The following TMEM178A variants were observed in gnomAD, a reference collection of about 807,000 sequenced individuals.
TMEM178A encodes transmembrane protein 178.
A neutral mutation model predicts 29.1 loss-of-function variants in TMEM178A; 12 were observed. The ratio of observed to expected loss-of-function variants is 0.41; its 90% CI spans 0.26 to 0.67. The LOEUF (loss-of-function observed/expected upper bound fraction) is 0.67, where lower values mean the gene tolerates loss of function less well. Among genes scored for constraint, TMEM178A ranks in the 30% least tolerant of loss-of-function variants. The probability of loss-of-function intolerance (pLI) is 0.29; values close to 1 mark genes in which losing one functional copy is unlikely to be tolerated. For missense variants in TMEM178A, 366 were observed against 419.1 expected (o/e 0.87, Z 1.11); for synonymous variants, 210 against 187.2 (o/e 1.12, Z -0.99).
chr2:39,707,018 T>C lies in TMEM178A; in HGVS notation c.515-31T>C, dbSNP rs185708783. 82 of 1,573,704 alleles carry C rather than the reference T, an allele frequency of 5.2e-5. No homozygotes were observed. The East Asian group carries it at 1.6e-3, about 31-fold the overall frequency. ...TCTTAATGACTTTCCTGAATTCTGA[T>C]TGTGAATGTCTGTGTCTGTTTTGAG... On this transcript the variant is annotated intron_variant, in intron 2 of 3. Transcript: ENST00000281961.
chr2:39,679,577 G>T (rs73927017), intron 1 of TMEM178A, among the ~76,000 whole-genome samples: 2,452 of 151,968 alleles, frequency 0.016, 66 homozygotes, highest in African/African-American at 0.056. Flanking sequence ...AGGTGTTTTT[G>T]TCTCTTTACT....
the TMEM178A span, among the ~76,000 whole-genome samples, chr2:39,726,080 G>GC: frequency 6.6e-6 from 1 of 151,986 alleles, no homozygotes; most frequent in East Asian, 1.9e-4. Flanking sequence ...AAGGAAAAAA[G>GC]TAAAAAATCT....
At chr2:39,705,650 G>A (rs1336311106) in intron 2 of TMEM178A, among the ~76,000 whole-genome samples, 2 of 152,160 alleles carry the variant, frequency 1.3e-5, no homozygotes, top group Non-Finnish European at 2.9e-5. Context: ...CTTTAAAAAA[G>A]GGATGGTCTC....
rs146271313 is a variant in TMEM178A at position 39,715,725 on chromosome 2, C to T, written c.653-1285C>T. Among the ~76,000 whole-genome samples the T allele has an allele frequency of 3.2e-3, 489 of 152,280 alleles. 4 individuals carry two copies. The highest frequency in any genetic ancestry group is 0.011 in the African/African-American group (462 of 41,560). On this transcript the variant is annotated intron_variant, in intron 3 of 3. Coordinates refer to ENST00000281961, the MANE Select transcript of TMEM178A (RefSeq NM_152390.3). ...TATTGTCTAAGTGCACATTTGGAAGCGGATTCAGGCAACGTGCTCTTACAT... is the reference window on the plus strand; with the variant it reads ...TATTGTCTAAGTGCACATTTGGAAGTGGATTCAGGCAACGTGCTCTTACAT...
chr2:39,724,613 G>A, the TMEM178A span, among the ~76,000 whole-genome samples: 642 of 152,202 alleles, frequency 4.2e-3, 5 homozygotes, highest in African/African-American at 0.014. Flanking sequence ...ACTTCATTTC[G>A]TATTTTCCCT....
Position 39,686,868 on chromosome 2 carries a change from C to T in TMEM178A, c.401-17213C>T, listed in dbSNP as rs184432586. On this transcript the variant is annotated intron_variant, in intron 1 of 3. Coordinates refer to ENST00000281961, the MANE Select transcript of TMEM178A (RefSeq NM_152390.3). The stretch of plus-strand genomic sequence containing the variant: ...TTTTTCCCTCCTGCCTGGTTGGCTA[C>T]GTCATCATGCTGCTTGACATAAAAT... Among the ~76,000 whole-genome samples, 428 of 152,022 alleles carry T rather than the reference C, an allele frequency of 2.8e-3. 3 individuals are homozygous for T. Among genetic ancestry groups the T allele is most frequent in the African/African-American group, 9.6e-3 (397 of 41,460 alleles).
intron 1 of TMEM178A, among the ~76,000 whole-genome samples, chr2:39,680,956 A>G (rs1327776376): frequency 6.6e-6 from 1 of 151,784 alleles, no homozygotes; most frequent in East Asian, 1.9e-4. Flanking sequence ...CTTTAATTTA[A>G]TTTGTATTAT....
chr2:39,711,083 C>T (rs942040086), intron 3 of TMEM178A, among the ~76,000 whole-genome samples: 4 of 152,180 alleles, frequency 2.6e-5, no homozygotes, highest in Non-Finnish European at 4.4e-5. Context: ...CATCTCCCAC[C>T]GGCCTTGAAT....
chr2:39,708,954 T>A (rs1224280121), intron 3 of TMEM178A, among the ~76,000 whole-genome samples: 1 of 152,252 alleles, frequency 6.6e-6, no homozygotes, highest in Non-Finnish European at 1.5e-5. Flanking sequence ...TTTCACACAG[T>A]ATACTCAGCA....
intron 1 of TMEM178A, among the ~76,000 whole-genome samples, chr2:39,682,195 G>A (rs1364383304): frequency 1.3e-5 from 2 of 152,100 alleles, no homozygotes; most frequent in Non-Finnish European, 2.9e-5. Flanking sequence ...TATCAAACTG[G>A]ATGAATATAT....
chr2:39,665,944 C>A lies in TMEM178A; in HGVS notation c.-31C>A, dbSNP rs1324142319. On this transcript the variant is annotated 5_prime_UTR_variant, in exon 1 of 4. Transcript: ENST00000281961. Reference sequence around the variant, plus strand: ...ATTGTGTCTGGCGGCGGCGCGCGAGCCCACCGGCGGCTGCGGCGGGGCGGG... The same window carrying A: ...ATTGTGTCTGGCGGCGGCGCGCGAGACCACCGGCGGCTGCGGCGGGGCGGG... 2.2e-6 allele frequency: 3 copies of A among 1,343,352 alleles called. No individual in the cohort carries two copies. The African/African-American group carries it at 4.6e-5, about 21-fold the overall frequency. The allele number at this position is 1,343,352 out of a possible 1,614,324, so 83.2% of individuals were successfully genotyped here. A position where few individuals can be genotyped will look rare whatever the true frequency, so the allele number is the denominator to read the frequency against.
At chr2:39,719,977 C>G (rs753609390), downstream of TMEM178A, among the ~76,000 whole-genome samples, 1 of 152,070 alleles carries the variant, frequency 6.6e-6, no homozygotes, top group Non-Finnish European at 1.5e-5. Flanking sequence ...GCAAAACAGA[C>G]AAAGGTTTTT....
chr2:39,671,303 G>A (rs961064411), intron 1 of TMEM178A, among the ~76,000 whole-genome samples: 1 of 152,154 alleles, frequency 6.6e-6, no homozygotes, highest in Non-Finnish European at 1.5e-5. Flanking sequence ...GACCCACCAA[G>A]TTCTACCTGA....
At chr2:39,730,259 G>C in the TMEM178A span, among the ~76,000 whole-genome samples, 1 of 152,132 alleles carries the variant, frequency 6.6e-6, no homozygotes, top group Non-Finnish European at 1.5e-5. Flanking sequence ...AATGACCCTG[G>C]GTGCTCAGAG....
rs1672619168 is a variant in TMEM178A, at chr2:39,717,959, G to T, written c.*708G>T. 1 of 152,454 alleles carries T rather than the reference G, an allele frequency of 6.6e-6. No homozygotes were observed. The highest frequency in any genetic ancestry group is 2.4e-5 in the African/African-American group (1 of 41,380). 9.4% of individuals were successfully genotyped at this position (152,454 alleles called of 1,614,324 possible). On this transcript the variant is annotated 3_prime_UTR_variant, in exon 4 of 4. Coordinates refer to ENST00000281961, the MANE Select transcript of TMEM178A (RefSeq NM_152390.3). ...TTCTGCATTAAATGACTGCCCCCTT[G>T]TTAATCTGGGTGTGTTTTCCTATGT... is the stretch of plus-strand genomic sequence containing the variant.
At chr2:39,695,770 A>G (rs910575753) in intron 1 of TMEM178A, among the ~76,000 whole-genome samples, 1 of 152,092 alleles carries the variant, frequency 6.6e-6, no homozygotes, top group African/African-American at 2.4e-5. Flanking sequence ...GAGCCAGTCA[A>G]TGAAAACCCC....
downstream of TMEM178A, among the ~76,000 whole-genome samples, chr2:39,719,527 C>T (rs1250769954): frequency 6.6e-6 from 1 of 152,226 alleles, no homozygotes; most frequent in Non-Finnish European, 1.5e-5. Flanking sequence ...AGGTTCCTCG[C>T]TTTCTACTTA....
intron 3 of TMEM178A, 32 bp from the exon 4 acceptor site, chr2:39,716,978 T>G: frequency 6.3e-7 from 1 of 1,590,798 alleles, no homozygotes; most frequent in Non-Finnish European, 8.6e-7. Context: ...AAACTGTAAC[T>G]AATCATTCTG....
At chr2:39,730,495 A>G in the TMEM178A span, among the ~76,000 whole-genome samples, 1 of 152,160 alleles carries the variant, frequency 6.6e-6, no homozygotes, top group Non-Finnish European at 1.5e-5. Flanking sequence ...TAAAGAGCTG[A>G]CAGACCAAAT....
Sources: gnomAD v4.1 joint callset for allele counts (sites outside exome capture counted in the v4.1 genomes callset) on GRCh38, gnomAD v4.1.1 for gene constraint, MANE v1.5 for transcripts, NCBI Gene and HGNC (gene_info 2026-07-23, HGNC 2026-07-21) for gene names.